Variants in BCAS1 observed in about 807,000 individuals in gnomAD.
BCAS1 encodes breast carcinoma-amplified sequence 1.
In BCAS1, 46 loss-of-function variants were observed where a neutral mutation model predicts 65.4. The ratio of observed to expected loss-of-function variants is 0.70; its 90% confidence interval spans 0.55 to 0.90. The LOEUF is 0.90. BCAS1 is among the 40% of genes least tolerant of loss of function. The probability of loss-of-function intolerance (pLI) is 0.00; values close to 1 mark genes in which losing one functional copy is unlikely to be tolerated. For missense variants in BCAS1, 793 were observed against 771.2 expected (o/e 1.03, Z -0.33); for synonymous variants, 298 against 293.5 (o/e 1.02, Z -0.16).
At chr20:54,004,038 C>A (rs915623555) in intron 4 of BCAS1, among the ~76,000 whole-genome samples, 1 of 152,164 alleles carries the variant, frequency 6.6e-6, no homozygotes, top group South Asian at 2.1e-4. Context: ...CACAGTTATT[C>A]TTTTAATGTG....
chr20:54,029,128 T>A, intron 3 of BCAS1, 156 bp from the exon 4 acceptor site: 1 of 985,360 alleles, frequency 1.0e-6, no homozygotes. Flanking sequence ...GCTCTCTACA[T>A]CTCCTTGGAC....
rs77639544 is a variant in BCAS1 at position 53,975,371 on chromosome 20, G to A, written c.1317+18C>T. The A allele has an allele frequency of 1.6e-4, 258 of 1,606,012 alleles. 1 individual carries two copies. In the East Asian group the frequency reaches 4.7e-3, roughly 29 times the overall value. ...AAGATGAGAATGGAATGATTCTGCC[G>A]TGGTGTGTGTAACTTACATTCTCCT... On this transcript the variant is annotated intron_variant, in intron 9 of 12. Transcript: ENST00000688948.
rs529087692 is a variant in BCAS1 at position 54,051,927 on chromosome 20, C to T, written c.142+6158G>A. On this transcript the variant is annotated intron_variant, in intron 3 of 12. Coordinates refer to ENST00000688948, the MANE Select transcript of BCAS1 (RefSeq NM_001366298.2). ...CTAATTTTTGTATTTTTAGTAGAGA[C>T]GGGGTTTCACCACGTTGGCCAGGCT... Among the ~76,000 whole-genome samples the T allele has an allele frequency of 4.8e-4, 73 of 152,076 alleles. 1 individual carries two copies. Among genetic ancestry groups the T allele is most frequent in the Non-Finnish European group, 8.7e-4 (59 of 67,976 alleles).
At chr20:53,971,927 T>A (rs980959444) in intron 9 of BCAS1, among the ~76,000 whole-genome samples, 1 of 152,178 alleles carries the variant, frequency 6.6e-6, no homozygotes, top group Non-Finnish European at 1.5e-5. Context: ...TTTCAAGAGT[T>A]AAAAAAAGAT....
Position 54,053,254 on chromosome 20 carries a change from T to A in BCAS1, c.142+4831A>T, listed in dbSNP as rs374841992. Among the ~76,000 whole-genome samples, 7 of 152,364 alleles carry A rather than the reference T, an allele frequency of 4.6e-5. No homozygotes were observed. The East Asian group carries it at 9.6e-4, about 21-fold the overall frequency. On this transcript the variant is annotated intron_variant, in intron 3 of 12. Transcript: ENST00000688948. ...TATTGTTACTTAAGATGAATAATAA[T>A]ACCAAACTTTTGAGAAAGATCTCCA...
At chr20:54,019,935 G>C (rs1357304680) in intron 4 of BCAS1, among the ~76,000 whole-genome samples, 1 of 152,128 alleles carries the variant, frequency 6.6e-6, no homozygotes, top group Non-Finnish European at 1.5e-5. Context: ...TCCTCAGCTT[G>C]CAGACGGCCT....
rs759717852 is a variant in BCAS1, at chr20:53,992,646, C to A, written c.928G>T (p.Ala310Ser). Reference protein sequence around the residue: ...AETKKDPEDTASKAESVCDGQ... With the variant: ...AETKKDPEDTSSKAESVCDGQ... ...TCACAGACACTTTCTGCTTTCGATGCCTTTGGGGCAACAGCAGTCACAACC... is the reference window on the plus strand; with the variant it reads ...TCACAGACACTTTCTGCTTTCGATGACTTTGGGGCAACAGCAGTCACAACC... Residue 310 changes from alanine to serine, a missense_variant and splice_region_variant, in exon 7 of 13, where the codon GCA becomes TCA. Transcript: ENST00000688948. The A allele has an allele frequency of 7.3e-7, 1 of 1,365,836 alleles. No individual in the cohort carries two copies. Among genetic ancestry groups the A allele is most frequent in the Non-Finnish European group, 9.8e-7 (1 of 1,021,712 alleles). The allele number at this position is 1,365,836 out of a possible 1,614,324, so 84.6% of individuals were successfully genotyped here.
At chr20:53,993,086 T>C (rs1017318838) in intron 6 of BCAS1, among the ~76,000 whole-genome samples, 1 of 152,202 alleles carries the variant, frequency 6.6e-6, no homozygotes, top group African/African-American at 2.4e-5. Context: ...TGTCTTTTAG[T>C]CTCAAATCGA....
chr20:53,946,992 T>C (rs985814723), intron 12 of BCAS1, among the ~76,000 whole-genome samples: 2 of 152,160 alleles, frequency 1.3e-5, no homozygotes, highest in Non-Finnish European at 2.9e-5. Flanking sequence ...ATATAGTATA[T>C]GTATATAGTA....
intron 7 of BCAS1, among the ~76,000 whole-genome samples, chr20:53,990,770 G>A (rs1040846521): frequency 3.9e-5 from 6 of 152,194 alleles, no homozygotes; most frequent in Non-Finnish European, 7.3e-5. Context: ...AAACTGCTGC[G>A]TAAATAAGAA....
At chr20:54,056,218 G>C (rs1417138543) in intron 3 of BCAS1, among the ~76,000 whole-genome samples, 1 of 151,962 alleles carries the variant, frequency 6.6e-6, no homozygotes, top group African/African-American at 2.4e-5. Flanking sequence ...TGGTGGATGT[G>C]TTGAATATAT....
chr20:54,011,271 C>G (rs1182510280), intron 4 of BCAS1, among the ~76,000 whole-genome samples: 1 of 151,974 alleles, frequency 6.6e-6, no homozygotes. Flanking sequence ...GTAAAAGATC[C>G]TGTTAAAAAG....
chr20:54,046,925 G>C (rs1252795858), intron 3 of BCAS1, among the ~76,000 whole-genome samples: 1 of 152,112 alleles, frequency 6.6e-6, no homozygotes, highest in Non-Finnish European at 1.5e-5. Flanking sequence ...CCACAGCTGG[G>C]GTGCCTTGAA....
chr20:53,957,447 T>C lies in BCAS1; in HGVS notation c.1536A>G (p.Lys512=). 1 of 1,614,108 alleles carries C rather than the reference T, an allele frequency of 6.2e-7. No individual in the cohort carries two copies. Among genetic ancestry groups the C allele is most frequent in the Non-Finnish European group, 8.5e-7 (1 of 1,179,934 alleles). Residue 512 remains lysine, a synonymous_variant, in exon 11 of 13, where the codon AAA becomes AAG. Coordinates refer to ENST00000688948, the MANE Select transcript of BCAS1 (RefSeq NM_001366298.2). ...GITHSEEING[K]DSSCQTSDST... ...GGTCACTTACTTGGCAGCTGGAGTC[T>C]TTCCCATTTATTTCTTCTGAGTGGG...
chr20:53,971,552 G>C (rs1467211794), intron 9 of BCAS1, among the ~76,000 whole-genome samples: 1 of 152,240 alleles, frequency 6.6e-6, no homozygotes, highest in Non-Finnish European at 1.5e-5. Flanking sequence ...AGGACATGCA[G>C]GGTTGCTACT....
At chr20:53,950,598 T>C (rs1199220920) in intron 12 of BCAS1, among the ~76,000 whole-genome samples, 1 of 152,256 alleles carries the variant, frequency 6.6e-6, no homozygotes, top group African/African-American at 2.4e-5. Flanking sequence ...GTTGTAGTTT[T>C]AATAATTTTA....
At chr20:54,025,437 C>T (rs560952719) in intron 4 of BCAS1, among the ~76,000 whole-genome samples, 16 of 152,310 alleles carry the variant, frequency 1.1e-4, no homozygotes, top group African/African-American at 3.6e-4. Context: ...ATGTAGTAAA[C>T]GCTTCATTTG....
At chr20:54,011,279 A>G (rs2091313981) in intron 4 of BCAS1, among the ~76,000 whole-genome samples, 1 of 152,198 alleles carries the variant, frequency 6.6e-6, no homozygotes, top group African/African-American at 2.4e-5. Context: ...TCCTGTTAAA[A>G]AGATGAAAAG....
At chr20:54,006,750 A>C (rs529972453) in intron 4 of BCAS1, among the ~76,000 whole-genome samples, 9 of 151,976 alleles carry the variant, frequency 5.9e-5, no homozygotes, top group African/African-American at 2.2e-4. Context: ...AGGACTTTTG[A>C]ATCACAGCAA....
Sources: gnomAD v4.1 joint callset for allele counts (sites outside exome capture counted in the v4.1 genomes callset) on GRCh38, gnomAD v4.1.1 for gene constraint, MANE v1.5 for transcripts, NCBI Gene and HGNC (gene_info 2026-07-23, HGNC 2026-07-21) for gene names.